The following AREG variants were observed in gnomAD, a reference collection of about 807,000 sequenced individuals.
AREG encodes amphiregulin.
In AREG, 16 loss-of-function variants were observed where a neutral mutation model predicts 28.0. That is an observed-to-expected ratio of 0.57 (90% CI 0.39 to 0.87). The LOEUF is 0.87. AREG is among the 40% of genes least tolerant of loss of function. The pLI is 0.00. For synonymous variants in AREG, 113 were observed against 113.5 expected (o/e 1.00, Z 0.02); for missense variants, 287 against 309.1 (o/e 0.93, Z 0.53).
intron 1 of AREG, 101 bp downstream of exon 1, chr4:74,445,507 C>A: frequency 6.5e-7 from 1 of 1,539,926 alleles, no homozygotes; most frequent in South Asian, 1.2e-5. Context: ...CTTTAGTTCC[C>A]CCGACCCTGC....
rs571573179 is a variant in AREG, at chr4:74,449,033, C to T, written c.311-14C>T. ...GTTTGAGAGACTCTTGTCAATAAATCTTTTCTTTTTTAGTTGAACAGGTAG... is the reference window on the plus strand; with the variant it reads ...GTTTGAGAGACTCTTGTCAATAAATTTTTTCTTTTTTAGTTGAACAGGTAG... On this transcript the variant is annotated splice_polypyrimidine_tract_variant and intron_variant, in intron 2 of 5. Transcript: ENST00000395748. 1.1e-4 allele frequency: 174 copies of T among 1,607,104 alleles called. 1 individual carries two copies. The African/African-American group carries it at 2.0e-3, about 18-fold the overall frequency.
chr4:74,445,265 C>T lies in AREG; in HGVS notation c.-81C>T. On this transcript the variant is annotated 5_prime_UTR_variant, in exon 1 of 6. Coordinates refer to ENST00000395748, the MANE Select transcript of AREG (RefSeq NM_001657.4). The stretch of plus-strand genomic sequence containing the variant: ...TCCCGGTCTCCACTCGCTCTTCCAA[C>T]ACCCGCTCGTTTTGGCGGCAGCTCG... 5.8e-6 allele frequency: 9 copies of T among 1,564,672 alleles called. No homozygotes were observed. Among genetic ancestry groups the T allele is most frequent in the Non-Finnish European group, 7.8e-6 (9 of 1,155,848 alleles).
At chr4:74,451,118 A>G (rs1396336395) in intron 4 of AREG, among the ~76,000 whole-genome samples, 7 of 152,348 alleles carry the variant, frequency 4.6e-5, no homozygotes, top group Middle Eastern at 3.4e-3. Context: ...ATAAATTTCC[A>G]TCATAAGACA....
intron 5 of AREG, 130 bp downstream of exon 5, chr4:74,452,785 G>A (rs1719400804): frequency 1.3e-5 from 10 of 796,070 alleles, no homozygotes; most frequent in Non-Finnish European, 2.0e-5. Flanking sequence ...CTATGTTAAA[G>A]TATTATTCTT....
chr4:74,449,159 G>T lies in AREG; in HGVS notation c.423G>T (p.Lys141Asn). The change falls in exon 3 of 6, where the codon AAG becomes AAT. Residue 141 changes from lysine to asparagine, a missense_variant. Physicochemically the swap from Lys to Asn is moderately conservative, Grantham distance 94. Transcript: ENST00000395748. The stretch of plus-strand genomic sequence containing the variant: ...ATGGAAAAAATAGAAGAAACAGAAA[G>T]AAGAAAAATCCATGTAATGCAGAAT... ...GKNGKNRRNR[K>N]KKNPCNAEFQ... 1.2e-6 allele frequency: 2 copies of T among 1,612,614 alleles called. No homozygotes were observed. Among genetic ancestry groups the T allele is most frequent in the Admixed American group, 1.7e-5 (1 of 59,792 alleles).
Position 74,452,404 on chromosome 4 carries a change from G to C in AREG, c.666-140G>C. The C allele has an allele frequency of 3.3e-6, 3 of 906,584 alleles. No homozygotes were observed. The South Asian group carries it at 4.5e-5, about 14-fold the overall frequency. 56.2% of individuals were successfully genotyped at this position (906,584 alleles called of 1,614,324 possible). On this transcript the variant is annotated intron_variant, in intron 4 of 5. Coordinates refer to ENST00000395748, the MANE Select transcript of AREG (RefSeq NM_001657.4). ...AGAAATTGGTAATATTTTATAGCCAGGTTTAGGTTTAGTGTCAAGTATAGT... is the reference window on the plus strand; with the variant it reads ...AGAAATTGGTAATATTTTATAGCCACGTTTAGGTTTAGTGTCAAGTATAGT...
Position 74,446,602 on chromosome 4 carries a change from C to T in AREG, c.130C>T (p.His44Tyr), listed in dbSNP as rs2110410741. The T allele has an allele frequency of 1.2e-6, 2 of 1,613,890 alleles. No homozygotes were observed. Among genetic ancestry groups the T allele is most frequent in the East Asian group, 2.2e-5 (1 of 44,880 alleles). ...SGKREPFSGD[H>Y]SADGFEVTSR... is the part of the protein sequence containing the mutation. ...GAAGCGTGAACCATTTTCTGGGGAC[C>T]ACAGTGCTGATGGATTTGAGGTTAC... The change falls in exon 2 of 6, where the codon CAC becomes TAC. Residue 44 changes from histidine to tyrosine, a missense_variant. His to Tyr is a moderately conservative substitution (Grantham distance 83). Transcript: ENST00000395748.
At position 74,446,890 on chromosome 4, in the gene AREG, A is replaced by ATGGC. The variant is rs3215072; in HGVS notation, c.310+109_310+110insGGCT. ...CCAGATTTTCTAGTGGCTTTATTGTATATCTGTTGGATAGCCCCTAGGTAA... is the reference window on the plus strand; with the variant it reads ...CCAGATTTTCTAGTGGCTTTATTGTATGGCTATCTGTTGGATAGCCCCTAGGTAA... On this transcript the variant is annotated intron_variant, in intron 2 of 5. Transcript: ENST00000395748. The ATGGC allele has an allele frequency of 5.8e-4, 929 of 1,605,732 alleles. 6 individuals carry two copies. The African/African-American group carries it at 9.9e-3, about 17-fold the overall frequency.
In AREG at chr4:74,445,401, G is replaced by A; in HGVS notation, c.56G>A (p.Gly19Asp). The stretch of plus-strand genomic sequence containing the variant: ...GTGGTGCTGTCGCTCTTGATACTCG[G>A]CTCAGGTGAGGATTCACCGGCGCTG... ...APVVLSLLIL[G>D]SGHYAAGLDL... Residue 19 changes from glycine (G) to aspartate (D), a missense_variant, in exon 1 of 6, where the codon GGC (glycine) becomes GAC (aspartate). Transcript: ENST00000395748. The A allele has an allele frequency of 6.2e-7, 1 of 1,608,852 alleles. No homozygotes were observed. The highest frequency in any genetic ancestry group is 8.5e-7 in the Non-Finnish European group (1 of 1,178,346).
chr4:74,453,573 G>C (rs1433049892), intron 5 of AREG, among the ~76,000 whole-genome samples: 2 of 152,116 alleles, frequency 1.3e-5, no homozygotes, highest in African/African-American at 2.4e-5. Flanking sequence ...GAAAGATGAT[G>C]TCATTTCAGT....
intron 3 of AREG, 45 bp from the exon 4 acceptor site, chr4:74,450,335 C>A (rs746773348): frequency 1.2e-6 from 2 of 1,613,448 alleles, no homozygotes; most frequent in African/African-American, 1.3e-5. Context: ...TAAAACACAC[C>A]GCACGTTTTT....
chr4:74,453,122 A>G (rs897112831), intron 5 of AREG, among the ~76,000 whole-genome samples: 2 of 152,302 alleles, frequency 1.3e-5, no homozygotes, highest in South Asian at 4.1e-4. Flanking sequence ...AGGGAAAGAA[A>G]GGGTTATACT....
At chr4:74,446,841 CT>C in intron 2 of AREG, 59 bp downstream of exon 2, 1 of 1,613,324 alleles carries the variant, frequency 6.2e-7, no homozygotes, top group Non-Finnish European at 8.5e-7. Context: ...ATGAGCAAAG[CT>C]GCTTCAGAAG....
At position 74,445,290 on chromosome 4, in the gene AREG, G is replaced by C. The variant is rs987572167; in HGVS notation, c.-56G>C. 3.0e-5 allele frequency: 47 copies of C among 1,588,140 alleles called. 1 individual carries two copies. The South Asian group carries it at 4.5e-4, about 15-fold the overall frequency. The stretch of plus-strand genomic sequence containing the variant: ...CACCCGCTCGTTTTGGCGGCAGCTC[G>C]TGTCCCAGAGACCGAGTTGCCCCAG... On this transcript the variant is annotated 5_prime_UTR_variant, in exon 1 of 6. Coordinates refer to ENST00000395748, the MANE Select transcript of AREG (RefSeq NM_001657.4).
chr4:74,450,103 A>G lies in AREG; in HGVS notation c.513-277A>G, dbSNP rs916220957. ...AATAATATTGGAATGTATCAACTGC[A>G]TAACAAATCACTGAACTCATCAGTT... On this transcript the variant is annotated intron_variant, in intron 3 of 5. Transcript: ENST00000395748. 8.4e-4 allele frequency among the ~76,000 whole-genome samples: 128 copies of G among 152,344 alleles called. No individual in the cohort carries two copies. In the Middle Eastern group the frequency reaches 0.01, roughly 12 times the overall value.
chr4:74,446,504 TC>T, intron 1 of AREG, 29 bp from the exon 2 acceptor site: 4 of 1,614,014 alleles, frequency 2.5e-6, no homozygotes, highest in Non-Finnish European at 3.4e-6. Flanking sequence ...CTTTACCTTT[TC>T]TTTTCTTCCT....
In AREG at chr4:74,449,080, C is replaced by T. The variant is rs762925407; in HGVS notation, c.344C>T (p.Thr115Met). Reference sequence around the variant, plus strand: ...GTAGTTAAGCCCCCCCAAAACAAGACGGAAAGTGAAAATACTTCAGATAAA... The same window carrying T: ...GTAGTTAAGCCCCCCCAAAACAAGATGGAAAGTGAAAATACTTCAGATAAA... ...EQVVKPPQNK[T>M]ESENTSDKPK... is the part of the protein sequence containing the mutation. The change falls in exon 3 of 6, where the codon ACG becomes ATG. Residue 115 changes from threonine (T) to methionine (M), a missense_variant. Transcript: ENST00000395748. 274 of 1,609,288 alleles carry T rather than the reference C, an allele frequency of 1.7e-4. No individual in the cohort carries two copies. The highest frequency in any genetic ancestry group is 1.7e-3 in the Middle Eastern group (10 of 6,056).
At chr4:74,445,667 C>T (rs1719270077) in intron 1 of AREG, among the ~76,000 whole-genome samples, 1 of 152,162 alleles carries the variant, frequency 6.6e-6, no homozygotes, top group Admixed American at 6.5e-5. Context: ...GAACCTAACC[C>T]TTCGTTTCAC....
intron 5 of AREG, among the ~76,000 whole-genome samples, chr4:74,452,890 A>G (rs1192746582): frequency 7.1e-6 from 1 of 141,164 alleles, no homozygotes; most frequent in Non-Finnish European, 1.5e-5. Context: ...CCAGTTCTCA[A>G]AGAAGTTATT....
Sources: allele counts gnomAD v4.1 joint callset (sites outside exome capture counted in the v4.1 genomes callset), GRCh38; gene constraint gnomAD v4.1.1; transcripts MANE v1.5; gene names NCBI Gene and HGNC (gene_info 2026-07-23, HGNC 2026-07-21).